RAB3B: variants seen among roughly 807,000 people sequenced by gnomAD.
The protein encoded by RAB3B is RAB3B, member RAS oncogene family, also known as ras-related protein Rab-3B.
In RAB3B, 11 loss-of-function variants were observed where a neutral mutation model predicts 20.5. That is an observed-to-expected ratio of 0.54 (90% CI 0.34 to 0.89). RAB3B has a LOEUF of 0.89. Ranked by LOEUF, RAB3B falls within the 40% of genes least tolerant of loss-of-function variation. The pLI is 0.02. For synonymous variants in RAB3B, 99 were observed against 106.3 expected, an observed-to-expected ratio of 0.93 and a Z score of 0.42; for missense variants, 225 against 280.9, an observed-to-expected ratio of 0.80 and a Z score of 1.42.
intron 4 of RAB3B, among the ~76,000 whole-genome samples, chr1:51,930,098 T>C (rs1203039102): frequency 6.6e-6 from 1 of 152,214 alleles, no homozygotes; most frequent in Non-Finnish European, 1.5e-5. Flanking sequence ...ATGGGTTACT[T>C]TGACCTGCCC....
intron 4 of RAB3B, among the ~76,000 whole-genome samples, chr1:51,921,069 G>C (rs1022509890): frequency 6.6e-6 from 1 of 152,118 alleles, no homozygotes. Flanking sequence ...CACAGCAAAG[G>C]CCCTCCTGAT....
At chr1:51,923,139 A>G (rs1483820472) in intron 4 of RAB3B, among the ~76,000 whole-genome samples, 1 of 152,242 alleles carries the variant, frequency 6.6e-6, no homozygotes, top group Non-Finnish European at 1.5e-5. Context: ...TCACATTAAC[A>G]GTTCACAAAT....
intron 2 of RAB3B, chr1:51,973,322 T>C (rs1684961858): frequency 6.6e-6 from 1 of 152,166 alleles, no homozygotes; most frequent in Admixed American, 6.5e-5. Context: ...TCCAGAAAAC[T>C]TTATTTTTGC....
chr1:51,989,634 C>T (rs1336220962), intron 1 of RAB3B, among the ~76,000 whole-genome samples: 1 of 151,812 alleles, frequency 6.6e-6, no homozygotes, highest in Non-Finnish European at 1.5e-5. Context: ...CCAGACCCTA[C>T]TCTATTCCAG....
chr1:51,958,445 C>T lies in RAB3B; in HGVS notation c.228+18445G>A, dbSNP rs186979924. 1.6e-3 allele frequency among the ~76,000 whole-genome samples: 236 copies of T among 152,222 alleles called. 1 individual carries two copies. The highest frequency in any genetic ancestry group is 4.1e-3 in the South Asian group (20 of 4,826). On this transcript the variant is annotated intron_variant, in intron 2 of 4. Transcript: ENST00000371655. Reference sequence around the variant, plus strand: ...CCGGTAAGAAAGTGGCATACTCGGCCGGGCGCGGTGGCTCATGCCTGTAAT... The same window carrying T: ...CCGGTAAGAAAGTGGCATACTCGGCTGGGCGCGGTGGCTCATGCCTGTAAT...
At chr1:51,983,009 G>C (rs957696691) in intron 1 of RAB3B, among the ~76,000 whole-genome samples, 1 of 152,040 alleles carries the variant, frequency 6.6e-6, no homozygotes. Flanking sequence ...GGCCCTGCAA[G>C]CTCCATTCAT....
At chr1:51,941,747 G>A (rs974666529) in intron 2 of RAB3B, among the ~76,000 whole-genome samples, 2 of 152,088 alleles carry the variant, frequency 1.3e-5, no homozygotes, top group Non-Finnish European at 2.9e-5. Flanking sequence ...TTTTCATTGA[G>A]CAATGTCTTT....
chr1:51,989,256 G>A (rs953469629), intron 1 of RAB3B, among the ~76,000 whole-genome samples: 4 of 126,902 alleles, frequency 3.2e-5, no homozygotes, highest in African/African-American at 5.5e-5. Context: ...GTGTGTGTGT[G>A]TTTTGAGGGC....
intron 1 of RAB3B, chr1:51,980,442 AAAC>A (rs1685072131): frequency 1.9e-6 from 1 of 521,692 alleles, no homozygotes; most frequent in South Asian, 1.9e-5. Flanking sequence ...AAAAAAAAAA[AAAC>A]CTCCTCTCTC....
At chr1:51,937,656 C>T (rs111705462) in intron 2 of RAB3B, among the ~76,000 whole-genome samples, 25 of 152,014 alleles carry the variant, frequency 1.6e-4, no homozygotes, top group Admixed American at 4.6e-4. Context: ...CACCACCATG[C>T]CCAGCTAATT....
rs1279899250 is a variant in RAB3B at position 51,909,191 on chromosome 1, T to C, written c.*10736A>G. On this transcript the variant is annotated 3_prime_UTR_variant, in exon 5 of 5. Coordinates refer to ENST00000371655, the MANE Select transcript of RAB3B (RefSeq NM_002867.4). ...AGGTTAGGTTCCTGGGACAGGAGTG[T>C]GTATTGAGGTGGAGGGAAGGAGCTG... 6.6e-6 allele frequency: 1 copy of C among 152,058 alleles called. No homozygotes were observed. The highest frequency in any genetic ancestry group is 1.5e-5 in the Non-Finnish European group (1 of 68,042). 9.4% of individuals were successfully genotyped at this position (152,058 alleles called of 1,614,324 possible).
In RAB3B at chr1:51,918,152, T is replaced by C. The variant is rs1456929953; in HGVS notation, c.*1775A>G. The C allele has an allele frequency of 6.6e-6, 1 of 152,222 alleles. No homozygotes were observed. The highest frequency in any genetic ancestry group is 6.5e-5 in the Admixed American group (1 of 15,284). 9.4% of individuals were successfully genotyped at this position (152,222 alleles called of 1,614,324 possible). ...TCCTCAGGTATTTAATTAAGGGGCT[T>C]CCACCAGAAGTGGTTTCCCACACTC... On this transcript the variant is annotated 3_prime_UTR_variant, in exon 5 of 5. Coordinates refer to ENST00000371655, the MANE Select transcript of RAB3B (RefSeq NM_002867.4).
chr1:51,911,283 GA>G lies in RAB3B; in HGVS notation c.*8643del, dbSNP rs1683994305. The G allele has an allele frequency of 6.6e-6, 1 of 152,200 alleles. No individual in the cohort carries two copies. The highest frequency in any genetic ancestry group is 6.5e-5 in the Admixed American group (1 of 15,268). 9.4% of individuals were successfully genotyped at this position (152,200 alleles called of 1,614,324 possible). ...CTCTTCTTCGTTCCTTCAGGTACAA[GA>G]AGAGAGGATGGAGACGAGGGTAGGC... On this transcript the variant is annotated 3_prime_UTR_variant, in exon 5 of 5. Coordinates refer to ENST00000371655, the MANE Select transcript of RAB3B (RefSeq NM_002867.4).
At chr1:51,931,986 A>G (rs1684333185) in intron 4 of RAB3B, among the ~76,000 whole-genome samples, 1 of 152,114 alleles carries the variant, frequency 6.6e-6, no homozygotes, top group Non-Finnish European at 1.5e-5. Context: ...TGGTCAATGG[A>G]CCACATGGAG....
intron 4 of RAB3B, among the ~76,000 whole-genome samples, chr1:51,929,149 G>A (rs1217941182): frequency 6.8e-6 from 1 of 148,114 alleles, no homozygotes; most frequent in Non-Finnish European, 1.5e-5. Flanking sequence ...TTGGGAGAGA[G>A]AAGGTCTCTT....
rs1684144041 is a variant in RAB3B, at chr1:51,919,782, G to C, written c.*145C>G. 5.0e-6 allele frequency: 4 copies of C among 807,542 alleles called. No homozygotes were observed. The highest frequency in any genetic ancestry group is 7.6e-6 in the Non-Finnish European group (4 of 526,532). The allele number at this position is 807,542 out of a possible 1,614,324, so 50.0% of individuals were successfully genotyped here. On this transcript the variant is annotated 3_prime_UTR_variant, in exon 5 of 5. Coordinates refer to ENST00000371655, the MANE Select transcript of RAB3B (RefSeq NM_002867.4). ...CCATCTGCAGAGAACCCCAGGGGCA[G>C]GCAAAGAATAGCAGCAACTCATCTT... is the stretch of plus-strand genomic sequence containing the variant.
chr1:51,921,159 A>C (rs1218248759), intron 4 of RAB3B, among the ~76,000 whole-genome samples: 1 of 151,958 alleles, frequency 6.6e-6, no homozygotes, highest in Admixed American at 6.6e-5. Flanking sequence ...CCTCTCCATC[A>C]GTCCCCAGCC....
chr1:51,948,499 T>C (rs1318131957), intron 2 of RAB3B, among the ~76,000 whole-genome samples: 2 of 152,236 alleles, frequency 1.3e-5, no homozygotes, highest in Non-Finnish European at 2.9e-5. Context: ...AAGCATTGGT[T>C]AGGTCCTGAA....
rs555869343 is a variant in RAB3B at position 51,919,711 on chromosome 1, T to C, written c.*216A>G. The C allele has an allele frequency of 1.0e-3, 482 of 465,500 alleles. No individual in the cohort carries two copies. The highest frequency in any genetic ancestry group is 1.6e-3 in the Non-Finnish European group (425 of 262,960). The allele number at this position is 465,500 out of a possible 1,614,324, so 28.8% of individuals were successfully genotyped here. A position where few individuals can be genotyped will look rare whatever the true frequency, so the allele number is the denominator to read the frequency against. On this transcript the variant is annotated 3_prime_UTR_variant, in exon 5 of 5. Coordinates refer to ENST00000371655, the MANE Select transcript of RAB3B (RefSeq NM_002867.4). ...TTTGTAAAGTGATTCTGCACCCGTG[T>C]AGTGACCTGTTATGTTAGTCTAGTG...
Sources: allele counts gnomAD v4.1 joint callset (sites outside exome capture counted in the v4.1 genomes callset), GRCh38; gene constraint gnomAD v4.1.1; transcripts MANE v1.5; gene names NCBI Gene and HGNC (gene_info 2026-07-23, HGNC 2026-07-21).